DLG5: variants seen among roughly 807,000 people sequenced by gnomAD.
DLG5 encodes disks large homolog 5.
DLG5 carries 48 observed loss-of-function variants against 189.8 expected under a neutral mutation model. The observed-to-expected ratio is 0.25, with a 90% CI of 0.20 to 0.32. DLG5 has a LOEUF of 0.32. DLG5 is among the 10% of genes least tolerant of loss of function. The pLI is 1.00. For missense variants in DLG5, 2,160 were observed against 2,544.7 expected (o/e 0.85, Z 3.25); for synonymous variants, 1,016 against 1,054.1 (o/e 0.96, Z 0.70).
chr10:77,933,699 G>A, the DLG5 span, among the ~76,000 whole-genome samples: 3 of 151,694 alleles, frequency 2.0e-5, no homozygotes, highest in East Asian at 3.9e-4. Flanking sequence ...ACTCCAGCCC[G>A]GGTAACAGAG....
rs1463412171 is a variant in DLG5 at position 77,926,037 on chromosome 10, T to TA, written c.304+179_304+180insT. ...CATTGTTCACAGCGAACGGCGGGAC[T>TA]GGGGGAGGCGGCGGGACTTCGGGAT... On this transcript the variant is annotated intron_variant, in intron 1 of 31. Coordinates refer to ENST00000372391, the MANE Select transcript of DLG5 (RefSeq NM_004747.4). This position sits in a 1 kb window ranked among gnomAD's most constrained non-coding sequence, Gnocchi z 5.2. Among the ~76,000 whole-genome samples the TA allele has an allele frequency of 2.0e-5, 3 of 152,062 alleles. No individual in the cohort carries two copies.
intron 7 of DLG5, among the ~76,000 whole-genome samples, chr10:77,840,802 T>C (rs1843381017): frequency 6.6e-6 from 1 of 152,178 alleles, no homozygotes; most frequent in East Asian, 1.9e-4. Context: ...AAGGGGCCTG[T>C]GTCTCATGCA....
At chr10:77,855,975 T>TTCC (rs1844210614) in intron 3 of DLG5, among the ~76,000 whole-genome samples, 4 of 152,216 alleles carry the variant, frequency 2.6e-5, no homozygotes, top group Non-Finnish European at 5.9e-5. Flanking sequence ...GGTATCTACC[T>TTCC]CTAAATCACA....
intron 1 of DLG5, among the ~76,000 whole-genome samples, chr10:77,895,792 T>C (rs1047332733): frequency 1.3e-5 from 2 of 152,052 alleles, no homozygotes; most frequent in African/African-American, 4.8e-5. Flanking sequence ...GGCGGATCAC[T>C]TGAGGTCAGG....
intron 1 of DLG5, among the ~76,000 whole-genome samples, chr10:77,898,754 A>C (rs958932867): frequency 2.0e-5 from 3 of 152,164 alleles, no homozygotes. Context: ...AGGCCTGTGC[A>C]TGCCTGAGAG....
intron 24 of DLG5, 107 bp from the exon 25 acceptor site, chr10:77,808,051 T>C: frequency 7.4e-7 from 1 of 1,354,694 alleles, no homozygotes. Context: ...ACATCCCTCC[T>C]TAACTGAGAC....
chr10:77,920,268 G>A (rs963343081), intron 1 of DLG5, among the ~76,000 whole-genome samples: 3 of 152,292 alleles, frequency 2.0e-5, no homozygotes, highest in Middle Eastern at 3.4e-3. Context: ...GAAGTAGTTA[G>A]TGTTTTAATT....
intron 1 of DLG5, among the ~76,000 whole-genome samples, chr10:77,898,826 G>C (rs933304313): frequency 3.3e-5 from 5 of 152,204 alleles, no homozygotes; most frequent in African/African-American, 1.2e-4. Context: ...CCAAATGCTA[G>C]ATGCAAAGAC....
At chr10:77,921,083 C>T (rs143879827) in intron 1 of DLG5, among the ~76,000 whole-genome samples, 260 of 152,272 alleles carry the variant, frequency 1.7e-3, no homozygotes, top group Middle Eastern at 6.8e-3. Context: ...GGGTGGCATG[C>T]GCCTGTAATC....
chr10:77,900,937 G>GTAAA (rs34776931), intron 1 of DLG5, among the ~76,000 whole-genome samples: 4 of 147,032 alleles, frequency 2.7e-5, no homozygotes, highest in African/African-American at 2.5e-5. Context: ...TCCGTCTCAA[G>GTAAA]TAAATAAATA....
chr10:77,858,490 T>C (rs987856323), intron 2 of DLG5, among the ~76,000 whole-genome samples: 1 of 151,638 alleles, frequency 6.6e-6, no homozygotes, highest in African/African-American at 2.4e-5. Context: ...ACCAAAAAAT[T>C]AGCTGGGTGT....
At chr10:77,812,606 C>T (rs1026062825) in intron 20 of DLG5, among the ~76,000 whole-genome samples, 1 of 152,320 alleles carries the variant, frequency 6.6e-6, no homozygotes, top group Middle Eastern at 3.4e-3. Context: ...AGACACGCAA[C>T]CACCCAGGCC....
intron 13 of DLG5, among the ~76,000 whole-genome samples, chr10:77,825,793 G>A (rs907793515): frequency 1.3e-5 from 2 of 151,946 alleles, no homozygotes; most frequent in East Asian, 3.9e-4. Context: ...CTGAACTAAG[G>A]CAATCCACCC....
chr10:77,822,488 A>C (rs1842419948), intron 14 of DLG5, among the ~76,000 whole-genome samples: 1 of 152,154 alleles, frequency 6.6e-6, no homozygotes, highest in African/African-American at 2.4e-5. Context: ...TACAAAAATT[A>C]CAAAAATAAG....
At chr10:77,816,456 T>C in intron 20 of DLG5, 95 bp downstream of exon 20, 1 of 1,572,016 alleles carries the variant, frequency 6.4e-7, no homozygotes, top group Non-Finnish European at 8.7e-7. Flanking sequence ...TCCTGCTGCT[T>C]CTACTAAGCC....
chr10:77,827,769 T>TA (rs2154575841), intron 13 of DLG5, among the ~76,000 whole-genome samples: 2 of 152,314 alleles, frequency 1.3e-5, no homozygotes, highest in African/African-American at 4.8e-5. Context: ...ATAAGGTGGG[T>TA]AACATTAGCC....
At chr10:77,915,195 C>G (rs1446320117) in intron 1 of DLG5, among the ~76,000 whole-genome samples, 1 of 152,012 alleles carries the variant, frequency 6.6e-6, no homozygotes, top group African/African-American at 2.4e-5. Flanking sequence ...GGCGCAGTGG[C>G]AGGCACCTGT....
At chr10:77,831,234 G>A (rs1018617577) in intron 9 of DLG5, among the ~76,000 whole-genome samples, 31 of 152,058 alleles carry the variant, frequency 2.0e-4, no homozygotes, top group African/African-American at 6.8e-4. Context: ...GTGAAACCTC[G>A]TCTCTACTAA....
chr10:77,873,031 G>GCA (rs1554826890), intron 1 of DLG5, among the ~76,000 whole-genome samples: 3 of 45,488 alleles, frequency 6.6e-5, no homozygotes, highest in African/African-American at 1.6e-4. Context: ...GTGTGTGTGT[G>GCA]CACACACACA....
Sources: allele counts gnomAD v4.1 joint callset (sites outside exome capture counted in the v4.1 genomes callset), GRCh38; gene constraint gnomAD v4.1.1; non-coding constraint Gnocchi (gnomAD v3.1); transcripts MANE v1.5; gene names NCBI Gene and HGNC (gene_info 2026-07-23, HGNC 2026-07-21).